Variants in PARD3B observed in about 807,000 individuals in gnomAD.
PARD3B encodes the protein partitioning defective 3 homolog B.
Under a neutral mutation model 130.2 loss-of-function variants are expected in PARD3B, and 103 were observed. That is an observed-to-expected ratio of 0.79 (90% CI 0.67 to 0.93). The LOEUF is 0.93. Among genes scored for constraint, PARD3B ranks in the 40% least tolerant of loss-of-function variants. PARD3B has a pLI of 0.00. For missense variants in PARD3B, 1,609 were observed against 1,499.2 expected (o/e 1.07, Z -1.21); for synonymous variants, 583 against 553.2 (o/e 1.05, Z -0.76).
At chr2:205,035,599 C>A (rs1389057146) in intron 3 of PARD3B, among the ~76,000 whole-genome samples, 1 of 151,556 alleles carries the variant, frequency 6.6e-6, no homozygotes, top group African/African-American at 2.4e-5. Context: ...CTTCACCTGG[C>A]CCTGTACCTT....
chr2:205,311,122 G>A (rs1024925462), intron 18 of PARD3B, among the ~76,000 whole-genome samples: 1 of 152,154 alleles, frequency 6.6e-6, no homozygotes, highest in Non-Finnish European at 1.5e-5. Context: ...GTTGTGAATA[G>A]CGCTGCAATT....
At chr2:205,062,569 G>A (rs1017166164) in intron 4 of PARD3B, among the ~76,000 whole-genome samples, 9 of 152,192 alleles carry the variant, frequency 5.9e-5, no homozygotes, top group African/African-American at 1.9e-4. Context: ...TGAGGATGGA[G>A]AATGTATTGT....
intron 18 of PARD3B, among the ~76,000 whole-genome samples, chr2:205,373,762 C>A (rs1263602215): frequency 2.0e-5 from 3 of 152,116 alleles, no homozygotes; most frequent in Non-Finnish European, 4.4e-5. Context: ...CTTGTTTAAA[C>A]CCACTTAGTA....
At chr2:205,185,252 G>A (rs539861088) in intron 13 of PARD3B, among the ~76,000 whole-genome samples, 101 of 146,050 alleles carry the variant, frequency 6.9e-4, no homozygotes, top group African/African-American at 2.1e-3. Flanking sequence ...AAGAGCGCAC[G>A]TTTGTGTGTT....
intron 21 of PARD3B, among the ~76,000 whole-genome samples, chr2:205,519,499 A>G (rs1291599910): frequency 2.6e-5 from 4 of 152,092 alleles, no homozygotes; most frequent in South Asian, 2.1e-4. Context: ...TGATTCTTAC[A>G]TTCCTTGAAT....
chr2:205,233,892 T>C (rs2038951970), intron 15 of PARD3B, among the ~76,000 whole-genome samples: 1 of 152,318 alleles, frequency 6.6e-6, no homozygotes, highest in Non-Finnish European at 1.5e-5. Flanking sequence ...TTAATGCATA[T>C]GACATTGCAA....
At chr2:204,572,474 T>C (rs949722785) in intron 1 of PARD3B, among the ~76,000 whole-genome samples, 2 of 152,190 alleles carry the variant, frequency 1.3e-5, no homozygotes, top group African/African-American at 4.8e-5. Flanking sequence ...TTGTTCTCCT[T>C]CCACCTAGCA....
chr2:204,802,374 C>T (rs1050769937), intron 2 of PARD3B, among the ~76,000 whole-genome samples: 11 of 152,230 alleles, frequency 7.2e-5, no homozygotes, highest in South Asian at 4.2e-4. Flanking sequence ...GAAATAGGAA[C>T]GCTTTTACAC....
intron 16 of PARD3B, among the ~76,000 whole-genome samples, chr2:205,277,622 A>G (rs898498136): frequency 1.3e-5 from 2 of 152,166 alleles, no homozygotes; most frequent in African/African-American, 4.8e-5. Flanking sequence ...AGAAAGAGAG[A>G]CGGCAGATGC....
intron 20 of PARD3B, among the ~76,000 whole-genome samples, chr2:205,471,356 T>G (rs2048824012): frequency 6.9e-6 from 1 of 145,132 alleles, no homozygotes; most frequent in African/African-American, 2.6e-5. Flanking sequence ...CACTTTTCTT[T>G]TTTTTTTTTT....
In PARD3B at chr2:205,193,081, T is replaced by G. The variant is rs774205070; in HGVS notation, c.2025-124T>G. 4.9e-6 allele frequency: 3 copies of G among 614,040 alleles called. No individual in the cohort carries two copies. The East Asian group carries it at 8.4e-5, about 17-fold the overall frequency. 38.0% of individuals were successfully genotyped at this position (614,040 alleles called of 1,614,324 possible). A position where few individuals can be genotyped will look rare whatever the true frequency, so the allele number is the denominator to read the frequency against. On this transcript the variant is annotated intron_variant, in intron 14 of 22. Coordinates refer to ENST00000406610, the MANE Select transcript of PARD3B (RefSeq NM_001302769.2). ...AGAAACCTGAGATTTAAGAATTAGT[T>G]GAAAATATGTGGTTGGGAGCTGCGC...
At chr2:204,744,699 G>A (rs1391124300) in intron 2 of PARD3B, among the ~76,000 whole-genome samples, 1 of 152,072 alleles carries the variant, frequency 6.6e-6, no homozygotes, top group East Asian at 1.9e-4. Flanking sequence ...TTGGAGAGTT[G>A]AACTTAATTC....
At chr2:204,785,731 C>T (rs1433875751) in intron 2 of PARD3B, among the ~76,000 whole-genome samples, 1 of 152,178 alleles carries the variant, frequency 6.6e-6, no homozygotes, top group East Asian at 1.9e-4. Context: ...TGTTGAATAA[C>T]TTAGTAAGTT....
In PARD3B at chr2:204,716,320, CCCA is replaced by C. The variant is rs1028472755; in HGVS notation, c.222+30040_222+30042del. On this transcript the variant is annotated intron_variant, in intron 2 of 22. Coordinates refer to ENST00000406610, the MANE Select transcript of PARD3B (RefSeq NM_001302769.2). ...CACCCAGAAATGAAGAGTCTTGGGC[CCCA>C]CTCTGGACCTACCAAATCAGAATCT... Among the ~76,000 whole-genome samples, 71 of 152,106 alleles carry C rather than the reference CCCA, an allele frequency of 4.7e-4. 1 individual carries two copies. The highest frequency in any genetic ancestry group is 1.7e-3 in the African/African-American group (71 of 41,498).
intron 5 of PARD3B, among the ~76,000 whole-genome samples, chr2:205,107,349 T>G (rs1703299667): frequency 6.6e-6 from 1 of 152,224 alleles, no homozygotes; most frequent in Non-Finnish European, 1.5e-5. Context: ...ACTTACTACC[T>G]GTGCAATCTT....
chr2:205,397,571 G>A lies in PARD3B; in HGVS notation c.2631-3442G>A, dbSNP rs1365510462. On this transcript the variant is annotated intron_variant, in intron 18 of 22. Transcript: ENST00000406610. This position sits in a 1 kb window ranked among gnomAD's most constrained non-coding sequence, Gnocchi z 4.8. ...AAACATCAAGGTAGGCTAGGAAATGGTTAGTTTTACCCTTCAAAAACAAGA... is the reference window on the plus strand; with the variant it reads ...AAACATCAAGGTAGGCTAGGAAATGATTAGTTTTACCCTTCAAAAACAAGA... Among the ~76,000 whole-genome samples the A allele has an allele frequency of 1.3e-5, 2 of 152,054 alleles. No individual in the cohort carries two copies. The highest frequency in any genetic ancestry group is 4.8e-5 in the African/African-American group (2 of 41,382).
intron 22 of PARD3B, among the ~76,000 whole-genome samples, chr2:205,571,548 T>C (rs1024822196): frequency 2.0e-5 from 3 of 152,092 alleles, no homozygotes; most frequent in Non-Finnish European, 4.4e-5. Context: ...TCTCAAAGAA[T>C]CAACAGGGAG....
chr2:205,150,838 C>T (rs1459620686), intron 10 of PARD3B, among the ~76,000 whole-genome samples: 4 of 152,060 alleles, frequency 2.6e-5, no homozygotes, highest in Admixed American at 6.6e-5. Flanking sequence ...ATGGTGGTTA[C>T]AGGCACAGAG....
intron 18 of PARD3B, among the ~76,000 whole-genome samples, chr2:205,337,885 C>T (rs1402690463): frequency 6.6e-6 from 1 of 151,666 alleles, no homozygotes; most frequent in Non-Finnish European, 1.5e-5. Flanking sequence ...CATGGTGGCT[C>T]ATGCCTGTAA....
Sources: gnomAD v4.1 joint callset for allele counts (sites outside exome capture counted in the v4.1 genomes callset) on GRCh38, gnomAD v4.1.1 for gene constraint, Gnocchi (gnomAD v3.1) non-coding constraint, MANE v1.5 for transcripts, NCBI Gene and HGNC (gene_info 2026-07-23, HGNC 2026-07-21) for gene names.